The following HS6ST3 variants were observed in gnomAD, a reference collection of about 807,000 sequenced individuals.
HS6ST3 encodes the protein heparan-sulfate 6-O-sulfotransferase 3.
Under a neutral mutation model 36.7 loss-of-function variants are expected in HS6ST3, and 12 were observed. That is an observed-to-expected ratio of 0.33 (90% CI 0.21 to 0.53). The LOEUF (loss-of-function observed/expected upper bound fraction) is 0.53, where lower values mean the gene tolerates loss of function less well. Among genes scored for constraint, HS6ST3 ranks in the 20% least tolerant of loss-of-function variants. HS6ST3 has a pLI of 0.95. For missense variants in HS6ST3, 584 were observed against 640.9 expected, an observed-to-expected ratio of 0.91 and a Z score of 0.96; for synonymous variants, 240 against 257.5, an observed-to-expected ratio of 0.93 and a Z score of 0.65.
At chr13:96,416,196 T>C (rs2055532163) in intron 1 of HS6ST3, among the ~76,000 whole-genome samples, 1 of 152,204 alleles carries the variant, frequency 6.6e-6, no homozygotes, top group Admixed American at 6.5e-5. Context: ...TTCAGAGCAG[T>C]CCTTAGCTTT....
chr13:96,706,413 T>TTTTATATATATATATATATATATATATA (rs5805987), intron 1 of HS6ST3, among the ~76,000 whole-genome samples: 1 of 121,058 alleles, frequency 8.3e-6, no homozygotes, highest in Admixed American at 8.4e-5. Flanking sequence ...AGAATATATT[T>TTTTATATATATATATATATATATATATA]TATATATATA....
intron 1 of HS6ST3, among the ~76,000 whole-genome samples, chr13:96,355,706 G>C (rs758706119): frequency 1.3e-5 from 2 of 152,144 alleles, no homozygotes; most frequent in African/African-American, 2.4e-5. Context: ...GATGGCTGCT[G>C]TCTGATCAGG....
At chr13:96,184,900 C>T (rs2054258193) in intron 1 of HS6ST3, among the ~76,000 whole-genome samples, 1 of 152,116 alleles carries the variant, frequency 6.6e-6, no homozygotes, top group South Asian at 2.1e-4. Flanking sequence ...CCCTGCTATC[C>T]CGCCAGGGCC....
chr13:96,782,804 A>G (rs549391758), intron 1 of HS6ST3, among the ~76,000 whole-genome samples: 10 of 152,094 alleles, frequency 6.6e-5, no homozygotes, highest in Non-Finnish European at 1.5e-4. Flanking sequence ...GGCTCATCTG[A>G]CATTCACTTA....
In HS6ST3 at chr13:96,583,204, CTTT is replaced by C. The variant is rs71292889; in HGVS notation, c.708-249261_708-249259del. Among the ~76,000 whole-genome samples, 11 of 52,928 alleles carry C rather than the reference CTTT, an allele frequency of 2.1e-4. No individual in the cohort carries two copies. The South Asian group carries it at 8.3e-3, about 40-fold the overall frequency. 34.7% of individuals were successfully genotyped at this position (52,928 alleles called of 152,430 possible). ...AATGGCTTCAATTTCTTTTTCTTTTCTTTTTTTTTTTTTTTTTTTTTTTTTTTG... is the reference window on the plus strand; with the variant it reads ...AATGGCTTCAATTTCTTTTTCTTTTCTTTTTTTTTTTTTTTTTTTTTTTTG... On this transcript the variant is annotated intron_variant, in intron 1 of 1. Coordinates refer to ENST00000376705, the MANE Select transcript of HS6ST3 (RefSeq NM_153456.4).
chr13:96,757,286 A>G (rs1370262260), intron 1 of HS6ST3, among the ~76,000 whole-genome samples: 1 of 152,182 alleles, frequency 6.6e-6, no homozygotes, highest in Non-Finnish European at 1.5e-5. Flanking sequence ...CAAGCCAGTG[A>G]GTTGGCCCAT....
chr13:96,151,089 G>A (rs1026693553), intron 1 of HS6ST3, among the ~76,000 whole-genome samples: 1 of 151,940 alleles, frequency 6.6e-6, no homozygotes. Flanking sequence ...AATAATTCTA[G>A]CCAGTCCACT....
chr13:96,194,245 G>A (rs2054301833), intron 1 of HS6ST3, among the ~76,000 whole-genome samples: 1 of 152,120 alleles, frequency 6.6e-6, no homozygotes, highest in African/African-American at 2.4e-5. Flanking sequence ...AATGCATTGT[G>A]TCTGCCTAAA....
chr13:96,145,770 G>C (rs816107), intron 1 of HS6ST3, among the ~76,000 whole-genome samples: 2 of 151,928 alleles, frequency 1.3e-5, no homozygotes, highest in African/African-American at 4.8e-5. Flanking sequence ...TTTCTTCTAG[G>C]GTTTTTATGG....
chr13:96,554,881 G>A (rs556923642), intron 1 of HS6ST3, among the ~76,000 whole-genome samples: 2 of 151,800 alleles, frequency 1.3e-5, no homozygotes, highest in South Asian at 2.1e-4. Flanking sequence ...CCAACTCCTG[G>A]GCTCAAGTGA....
chr13:96,288,431 G>A (rs2054814133), intron 1 of HS6ST3, among the ~76,000 whole-genome samples: 1 of 151,962 alleles, frequency 6.6e-6, no homozygotes, highest in African/African-American at 2.4e-5. Context: ...TGAGAATGCT[G>A]TAATATATTA....
intron 1 of HS6ST3, among the ~76,000 whole-genome samples, chr13:96,158,777 G>C (rs1442004424): frequency 6.6e-6 from 1 of 151,770 alleles, no homozygotes; most frequent in African/African-American, 2.4e-5. Context: ...CCAGGGAGGA[G>C]ACAACATTAA....
At chr13:96,424,890 A>C (rs2055578860) in intron 1 of HS6ST3, among the ~76,000 whole-genome samples, 1 of 152,230 alleles carries the variant, frequency 6.6e-6, no homozygotes, top group Admixed American at 6.5e-5. Context: ...ATTGAGCAAT[A>C]TTCAAGATAG....
intron 1 of HS6ST3, among the ~76,000 whole-genome samples, chr13:96,271,429 T>C (rs1462913293): frequency 6.6e-6 from 1 of 152,064 alleles, no homozygotes; most frequent in African/African-American, 2.4e-5. Flanking sequence ...CAGTAGGAGC[T>C]GGCTCCAGCA....
At chr13:96,438,692 A>G (rs767555085) in intron 1 of HS6ST3, among the ~76,000 whole-genome samples, 8 of 152,232 alleles carry the variant, frequency 5.3e-5, no homozygotes, top group Non-Finnish European at 5.9e-5. Flanking sequence ...AGATGACTCT[A>G]ATGAAACTTC....
Position 96,530,892 on chromosome 13 carries a change from T to C in HS6ST3, c.708-301598T>C, listed in dbSNP as rs189112529. The stretch of plus-strand genomic sequence containing the variant: ...TGCATTAGAATCACCTGGGTTCTTG[T>C]CAAATTGCAGATTTTGATTTAGTGT... On this transcript the variant is annotated intron_variant, in intron 1 of 1. Coordinates refer to ENST00000376705, the MANE Select transcript of HS6ST3 (RefSeq NM_153456.4). Among the ~76,000 whole-genome samples, 18 of 152,318 alleles carry C rather than the reference T, an allele frequency of 1.2e-4. 1 individual carries two copies. The East Asian group carries it at 3.5e-3, about 29-fold the overall frequency.
At chr13:96,693,650 G>A (rs1875041419) in intron 1 of HS6ST3, among the ~76,000 whole-genome samples, 2 of 152,098 alleles carry the variant, frequency 1.3e-5, no homozygotes, top group Non-Finnish European at 2.9e-5. Flanking sequence ...AATCCAAATT[G>A]TTTCAGCTAT....
chr13:96,357,912 A>G (rs1379428248), intron 1 of HS6ST3, among the ~76,000 whole-genome samples: 1 of 152,204 alleles, frequency 6.6e-6, no homozygotes, highest in Non-Finnish European at 1.5e-5. Flanking sequence ...ACTATAATAG[A>G]TATAATAATG....
intron 1 of HS6ST3, among the ~76,000 whole-genome samples, chr13:96,486,021 C>A (rs1354778044): frequency 1.5e-5 from 2 of 129,714 alleles, no homozygotes; most frequent in African/African-American, 5.8e-5. Context: ...CCCCTCCCCC[C>A]ACCCCACAAC....
Sources: gnomAD v4.1 joint callset for allele counts (sites outside exome capture counted in the v4.1 genomes callset) on GRCh38, gnomAD v4.1.1 for gene constraint, MANE v1.5 for transcripts, NCBI Gene and HGNC (gene_info 2026-07-23, HGNC 2026-07-21) for gene names.